PM20D1: variants seen among roughly 807,000 people sequenced by gnomAD.
The protein encoded by PM20D1 is peptidase M20 domain containing 1.
A neutral mutation model predicts 53.8 loss-of-function variants in PM20D1; 53 were observed. That is an observed-to-expected ratio of 0.98 (90% CI 0.79 to 1.24). The LOEUF (loss-of-function observed/expected upper bound fraction) is 1.24, where lower values mean the gene tolerates loss of function less well. Ranked by LOEUF, PM20D1 falls within the 50% of genes most tolerant of loss-of-function variation. PM20D1 has a pLI of 0.00. For missense variants in PM20D1, 564 were observed against 616.8 expected, an observed-to-expected ratio of 0.91 and a Z score of 0.91; for synonymous variants, 239 against 241.3, an observed-to-expected ratio of 0.99 and a Z score of 0.09.
At chr1:205,844,351 G>T in intron 4 of PM20D1, 134 bp from the exon 5 acceptor site, 1 of 1,093,342 alleles carries the variant, frequency 9.1e-7, no homozygotes, top group Non-Finnish European at 1.2e-6. Context: ...GGGAGCCAGG[G>T]CCCTAGAGAA....
At position 205,840,794 on chromosome 1, in the gene PM20D1, G is replaced by T. The variant is rs1165174878; in HGVS notation, c.1045-471C>A. Among the ~76,000 whole-genome samples, 3 of 152,282 alleles carry T rather than the reference G, an allele frequency of 2.0e-5. No homozygotes were observed. The East Asian group carries it at 5.8e-4, about 29-fold the overall frequency. On this transcript the variant is annotated intron_variant, in intron 9 of 12. Transcript: ENST00000367136. ...CACATCAGGTTTGATCCTTGAGGGGGATGAGAAGAACACATACTCCTCACA... is the reference window on the plus strand; with the variant it reads ...CACATCAGGTTTGATCCTTGAGGGGTATGAGAAGAACACATACTCCTCACA...
intron 11 of PM20D1, 44 bp from the exon 12 acceptor site, chr1:205,830,423 T>A: frequency 1.4e-6 from 2 of 1,421,328 alleles, no homozygotes; most frequent in Non-Finnish European, 2.0e-6. Context: ...ACATGAGCAA[T>A]CAAACCAGCG....
At position 205,844,885 on chromosome 1, in the gene PM20D1, C is replaced by G. The variant is rs757502487; in HGVS notation, c.502G>C (p.Ala168Pro). Reference sequence around the variant, plus strand: ...TTCCTGATCAGCAGGAGCTCCAAGGCCTGCAGTAATGCCTGGGGTTCAGAA... The same window carrying G: ...TTCCTGATCAGCAGGAGCTCCAAGGGCTGCAGTAATGCCTGGGGTTCAGAA... ...DKNSVMALLQ[A>P]LELLLIRKYI... The change falls in exon 4 of 13, where the codon GCC becomes CCC. Residue 168 changes from alanine (A) to proline (P), a missense_variant. Coordinates refer to ENST00000367136, the MANE Select transcript of PM20D1 (RefSeq NM_152491.5). 2.5e-6 allele frequency: 4 copies of G among 1,613,696 alleles called. No individual in the cohort carries two copies. Among genetic ancestry groups the G allele is most frequent in the Non-Finnish European group, 3.4e-6 (4 of 1,179,990 alleles).
chr1:205,841,809 A>C lies in PM20D1; in HGVS notation c.1044+2T>G. ...TATATGGGGAGGAACCAGGGATGTT[A>C]CCTTGACCCCTGCTTTGAATATGGT... On this transcript the variant is annotated splice_donor_variant, in intron 9 of 12. Transcript: ENST00000367136. LOFTEE classifies it high-confidence loss of function. 6.4e-7 allele frequency: 1 copy of C among 1,563,520 alleles called. No homozygotes were observed. The highest frequency in any genetic ancestry group is 8.7e-7 in the Non-Finnish European group (1 of 1,151,568).
At chr1:205,836,637 G>C (rs1656693186) in intron 10 of PM20D1, among the ~76,000 whole-genome samples, 1 of 152,118 alleles carries the variant, frequency 6.6e-6, no homozygotes, top group Non-Finnish European at 1.5e-5. Context: ...CCTCCTGTGA[G>C]TAGCTGGGAG....
intron 1 of PM20D1, among the ~76,000 whole-genome samples, chr1:205,849,496 C>T (rs1657077998): frequency 6.6e-6 from 1 of 152,088 alleles, no homozygotes; most frequent in Non-Finnish European, 1.5e-5. Flanking sequence ...CAATTTCTCT[C>T]CTTTGTAGAT....
intron 10 of PM20D1, among the ~76,000 whole-genome samples, chr1:205,839,910 C>CAAA (rs567749262): frequency 2.8e-4 from 16 of 58,088 alleles, no homozygotes; most frequent in South Asian, 1.1e-3. Flanking sequence ...GACTCTGACT[C>CAAA]AAAAAAAAAA....
chr1:205,828,789 G>A lies in PM20D1; in HGVS notation c.1386-46C>T, dbSNP rs769374852. On this transcript the variant is annotated intron_variant, in intron 12 of 12. Coordinates refer to ENST00000367136, the MANE Select transcript of PM20D1 (RefSeq NM_152491.5). ...TTAGGGAAGGAGGGGAGGGCCAAGT[G>A]CCACAGCACAAGTGTTATCACAGAG... The A allele has an allele frequency of 2.5e-6, 4 of 1,609,600 alleles. No individual in the cohort carries two copies. The Admixed American group carries it at 6.7e-5, about 27-fold the overall frequency.
intron 2 of PM20D1, among the ~76,000 whole-genome samples, chr1:205,845,767 T>C (rs1444630788): frequency 3.9e-5 from 6 of 152,198 alleles, no homozygotes; most frequent in Non-Finnish European, 7.4e-5. Flanking sequence ...GTGCTATTAC[T>C]ATGTAATAAA....
chr1:205,841,229 G>A (rs1212424769), intron 9 of PM20D1, among the ~76,000 whole-genome samples: 2 of 152,162 alleles, frequency 1.3e-5, no homozygotes, highest in Non-Finnish European at 2.9e-5. Flanking sequence ...TTGTTCCTTG[G>A]AGGCCGGGAG....
At chr1:205,830,219 A>G in intron 12 of PM20D1, 61 bp downstream of exon 12, 1 of 1,300,396 alleles carries the variant, frequency 7.7e-7, no homozygotes, top group African/African-American at 1.5e-5. Context: ...ATGGGGTAGG[A>G]AAAGGACACA....
chr1:205,847,523 G>GT (rs1175626132), intron 2 of PM20D1, among the ~76,000 whole-genome samples: 2 of 130,770 alleles, frequency 1.5e-5, no homozygotes, highest in African/African-American at 5.8e-5. Context: ...GTACCGGTGT[G>GT]TTTGGGTGTG....
At chr1:205,834,152 G>T (rs1323560903) in intron 10 of PM20D1, among the ~76,000 whole-genome samples, 2 of 137,082 alleles carry the variant, frequency 1.5e-5, no homozygotes, top group African/African-American at 5.5e-5. Flanking sequence ...CTGGCCAAGA[G>T]TACCTTTTTT....
chr1:205,842,118 G>A, intron 8 of PM20D1, 36 bp downstream of exon 8: 2 of 1,582,502 alleles, frequency 1.3e-6, no homozygotes, highest in South Asian at 1.1e-5. Flanking sequence ...TAGGTTTGAG[G>A]TGAGGGATGT....
chr1:205,842,229 A>C lies in PM20D1; in HGVS notation c.904-14T>G. On this transcript the variant is annotated splice_polypyrimidine_tract_variant and intron_variant, in intron 7 of 12. Coordinates refer to ENST00000367136, the MANE Select transcript of PM20D1 (RefSeq NM_152491.5). ...AGGGAAGGGAAACTGGGAAAGAACA[A>C]GGTCAGCACCACAGGGTCACCTCTA... is the stretch of plus-strand genomic sequence containing the variant. 6.2e-7 allele frequency: 1 copy of C among 1,609,860 alleles called. No homozygotes were observed. The highest frequency in any genetic ancestry group is 8.5e-7 in the Non-Finnish European group (1 of 1,176,216).
intron 3 of PM20D1, 119 bp from the exon 4 acceptor site, chr1:205,845,016 C>G (rs1656916621): frequency 1.2e-6 from 1 of 837,620 alleles, no homozygotes; most frequent in African/African-American, 1.7e-5. Flanking sequence ...GTGATAGATT[C>G]TCTTGAAAGA....
At chr1:205,846,417 A>G (rs1359564026) in intron 2 of PM20D1, among the ~76,000 whole-genome samples, 1 of 152,192 alleles carries the variant, frequency 6.6e-6, no homozygotes, top group Non-Finnish European at 1.5e-5. Context: ...AAGATGGTCA[A>G]TATCTCAAGC....
At chr1:205,842,131 A>G in intron 8 of PM20D1, 23 bp downstream of exon 8, 1 of 1,601,574 alleles carries the variant, frequency 6.2e-7, no homozygotes, top group South Asian at 1.1e-5. Flanking sequence ...AGGGATGTGA[A>G]AAAAGGAAAG....
chr1:205,830,958 T>A (rs1656544911), intron 11 of PM20D1, among the ~76,000 whole-genome samples: 1 of 152,234 alleles, frequency 6.6e-6, no homozygotes, highest in South Asian at 2.1e-4. Context: ...TGTATCACTC[T>A]AGGTCAGAAA....
Sources: gnomAD v4.1 joint callset for allele counts (sites outside exome capture counted in the v4.1 genomes callset) on GRCh38, gnomAD v4.1.1 for gene constraint, MANE v1.5 for transcripts, NCBI Gene and HGNC (gene_info 2026-07-23, HGNC 2026-07-21) for gene names.